The following SNRPN variants were observed in gnomAD, a reference collection of about 807,000 sequenced individuals.
SNRPN encodes small nuclear ribonucleoprotein polypeptide N.
In SNRPN, 7 loss-of-function variants were observed where a neutral mutation model predicts 25.2. That is an observed-to-expected ratio of 0.28 (90% CI 0.16 to 0.52). The LOEUF (loss-of-function observed/expected upper bound fraction) is 0.52. SNRPN is among the 20% of genes least tolerant of loss of function. The pLI is 0.96. For missense variants in SNRPN, 196 were observed against 322.5 expected, an observed-to-expected ratio of 0.61 and a Z score of 3.00; for synonymous variants, 124 against 110.6, an observed-to-expected ratio of 1.12 and a Z score of -0.76.
rs2055279758 is a variant in SNRPN at position 24,872,691 on chromosome 15, A to G, written c.-578-13825A>G. Among the ~76,000 whole-genome samples the G allele has an allele frequency of 6.8e-5, 7 of 102,530 alleles. 2 individuals carry two copies. In the South Asian group the frequency reaches 2.7e-3, roughly 40 times the overall value. 67.3% of individuals were successfully genotyped at this position (102,530 alleles called of 152,430 possible). Reference sequence around the variant, plus strand: ...AACCTGGGAAGCAGAGGTTGTGGTGAGCTGAGATCCCACCATTACACTCCA... The same window carrying G: ...AACCTGGGAAGCAGAGGTTGTGGTGGGCTGAGATCCCACCATTACACTCCA... On this transcript the variant is annotated intron_variant, in intron 1 of 11. Transcript: ENST00000400097.
intron 1 of SNRPN, among the ~76,000 whole-genome samples, chr15:24,859,968 T>G (rs1180793077): frequency 6.6e-6 from 1 of 152,188 alleles, no homozygotes. Context: ...TGCAGCCTGT[T>G]TTATCAGCAA....
intron 1 of SNRPN, among the ~76,000 whole-genome samples, chr15:24,864,057 C>T (rs1222969158): frequency 6.9e-6 from 1 of 145,422 alleles, no homozygotes; most frequent in African/African-American, 2.6e-5. Context: ...GAGGGAGTCT[C>T]TCTCTGTCGC....
In SNRPN at chr15:24,936,794, C is replaced by G. The variant is rs187401587; in HGVS notation, c.-391+16670C>G. 1.8e-3 allele frequency among the ~76,000 whole-genome samples: 267 copies of G among 152,204 alleles called. 1 individual carries two copies. Among genetic ancestry groups the G allele is most frequent in the Non-Finnish European group, 3.3e-3 (227 of 68,010 alleles). Reference sequence around the variant, plus strand: ...TGATCTAGTCACATCCCACCAGGCCCCACGTCCAACATTGGGGATTACAAT... The same window carrying G: ...TGATCTAGTCACATCCCACCAGGCCGCACGTCCAACATTGGGGATTACAAT... On this transcript the variant is annotated intron_variant, in intron 3 of 11. Transcript: ENST00000400097.
chr15:24,873,479 G>A (rs146898574), intron 1 of SNRPN, among the ~76,000 whole-genome samples: 1,665 of 131,938 alleles, frequency 0.013, 118 homozygotes, highest in Non-Finnish European at 0.021. Flanking sequence ...ACAAAGTCTC[G>A]CTCTGTTGCC....
chr15:24,975,264 G>T, intron 4 of SNRPN, 94 bp from the exon 5 acceptor site: 1 of 973,734 alleles, frequency 1.0e-6, no homozygotes, highest in South Asian at 1.6e-5. Context: ...AGGAAACCAG[G>T]CTTAGATTAT....
chr15:24,852,045 ATGT>A (rs1279746302), upstream of SNRPN: 22 of 152,340 alleles, frequency 1.4e-4, no homozygotes, highest in Middle Eastern at 3.4e-3. Flanking sequence ...CATAGTTAAA[ATGT>A]TGTCAGCTTG....
At chr15:24,954,841 TC>T, upstream of SNRPN, 1 of 663,106 alleles carries the variant, frequency 1.5e-6, no homozygotes. Context: ...AGTAGCCCCC[TC>T]CCCCCAGGTC....
chr15:24,839,973 C>A (rs902048621), intron 2 of SNRPN, among the ~76,000 whole-genome samples: 6 of 152,168 alleles, frequency 3.9e-5, no homozygotes, highest in African/African-American at 1.4e-4. Context: ...AGAGAAATGG[C>A]AGTTCAGGTT....
At chr15:24,853,722 G>C (rs2053109108), upstream of SNRPN, among the ~76,000 whole-genome samples, 3 of 152,126 alleles carry the variant, frequency 2.0e-5, no homozygotes, top group South Asian at 6.2e-4. Flanking sequence ...ACTACACAGG[G>C]AAATTGCCAT....
chr15:24,865,245 C>T (rs1488748219), intron 1 of SNRPN, among the ~76,000 whole-genome samples: 1 of 152,074 alleles, frequency 6.6e-6, no homozygotes, highest in Non-Finnish European at 1.5e-5. Flanking sequence ...CAGGGTTTCA[C>T]CATGTTGGCC....
In SNRPN at chr15:24,955,750, C is replaced by T. The variant is rs572965935; in HGVS notation, c.-391+688C>T. The stretch of plus-strand genomic sequence containing the variant: ...AAGTGGCTGGGAGGTAGGGGGAAGG[C>T]GGCGACAGTGGGTATTGGCGGCGGT... On this transcript the variant is annotated intron_variant, in intron 1 of 9. Coordinates refer to ENST00000390687, the MANE Select transcript of SNRPN (RefSeq NM_003097.6). Among the ~76,000 whole-genome samples the T allele has an allele frequency of 1.0e-4, 15 of 150,684 alleles. 1 individual carries two copies. In the South Asian group the frequency reaches 2.1e-3, roughly 22 times the overall value.
rs575495810 is a variant in SNRPN, at chr15:24,883,573, C to G, written c.-578-2943C>G. On this transcript the variant is annotated intron_variant, in intron 1 of 11. Coordinates refer to the SNRPN transcript ENST00000400097. ...TTGCACTTTGGATAATAACAGGCAT[C>G]ATTGGCAATATCTTACACTCTATCA... Among the ~76,000 whole-genome samples the G allele has an allele frequency of 2.0e-5, 3 of 152,308 alleles. No individual in the cohort carries two copies. The South Asian group carries it at 6.2e-4, about 32-fold the overall frequency.
upstream of SNRPN, chr15:24,852,257 AGTT>A (rs1485198341): frequency 1.3e-5 from 2 of 152,128 alleles, no homozygotes; most frequent in Non-Finnish European, 2.9e-5. Flanking sequence ...TGAAAAATCC[AGTT>A]GTTTTGTGTT....
intron 3 of SNRPN, among the ~76,000 whole-genome samples, chr15:24,936,105 ACT>A (rs1480908093): frequency 6.7e-6 from 1 of 148,380 alleles, no homozygotes; most frequent in Non-Finnish European, 1.5e-5. Flanking sequence ...ACAGAGCAAG[ACT>A]CTGTCTCAAA....
upstream of SNRPN, among the ~76,000 whole-genome samples, chr15:24,950,627 A>G (rs1371428457): frequency 5.8e-5 from 8 of 137,088 alleles, no homozygotes; most frequent in Admixed American, 6.6e-4. Flanking sequence ...AGCTTACTGC[A>G]GTCTCCACCT....
chr15:24,925,524 T>G (rs1322031216), intron 3 of SNRPN, among the ~76,000 whole-genome samples: 1 of 152,148 alleles, frequency 6.6e-6, no homozygotes, highest in Non-Finnish European at 1.5e-5. Context: ...TCCTCTGCTC[T>G]CATTTCTGCT....
chr15:24,924,872 C>T (rs1228858065), intron 3 of SNRPN, among the ~76,000 whole-genome samples: 1 of 152,120 alleles, frequency 6.6e-6, no homozygotes, highest in African/African-American at 2.4e-5. Flanking sequence ...TTGTCCACAG[C>T]CAGGTCTTGT....
At chr15:24,826,555 G>A (rs2050093733) in intron 1 of SNRPN, among the ~76,000 whole-genome samples, 1 of 152,074 alleles carries the variant, frequency 6.6e-6, no homozygotes, top group Non-Finnish European at 1.5e-5. Flanking sequence ...CATACCTTCT[G>A]AAATTACTTG....
rs1010478134 is a variant in SNRPN at position 24,926,987 on chromosome 15, G to T, written c.-391+6863G>T. On this transcript the variant is annotated intron_variant, in intron 3 of 11. Transcript: ENST00000400097. Reference sequence around the variant, plus strand: ...GATCACACCACTGCACTCCAGCCTGGGTGACAGAGTGAGACCCTGTTGCTT... The same window carrying T: ...GATCACACCACTGCACTCCAGCCTGTGTGACAGAGTGAGACCCTGTTGCTT... Among the ~76,000 whole-genome samples the T allele has an allele frequency of 3.3e-5, 5 of 152,068 alleles. No homozygotes were observed. The South Asian group carries it at 1.0e-3, about 32-fold the overall frequency.
Sources: gnomAD v4.1 joint callset for allele counts (sites outside exome capture counted in the v4.1 genomes callset) on GRCh38, gnomAD v4.1.1 for gene constraint, MANE v1.5 for transcripts, NCBI Gene and HGNC (gene_info 2026-07-23, HGNC 2026-07-21) for gene names.